ACSL3: variants seen among roughly 807,000 people sequenced by gnomAD.
The protein encoded by ACSL3 is acyl-CoA synthetase long chain family member 3, also known as fatty acid CoA ligase Acsl3.
A neutral mutation model predicts 84.7 loss-of-function variants in ACSL3; 34 were observed. The ratio of observed to expected loss-of-function variants is 0.40; its 90% CI spans 0.31 to 0.53. The LOEUF is 0.53. ACSL3 is among the 20% of genes least tolerant of loss of function. The pLI, the probability that ACSL3 is intolerant of heterozygous loss-of-function variation, is 0.48. For missense variants in ACSL3, 680 were observed against 873.1 expected, an observed-to-expected ratio of 0.78 and a Z score of 2.79; for synonymous variants, 315 against 299.4, an observed-to-expected ratio of 1.05 and a Z score of -0.54.
intron 14 of ACSL3, 163 bp from the exon 15 acceptor site, chr2:222,933,003 A>G: frequency 4.0e-6 from 2 of 494,068 alleles, no homozygotes. Flanking sequence ...TAATTTTAAT[A>G]TGTGCTTTTA....
chr2:222,927,135 G>A lies in ACSL3; in HGVS notation c.1411G>A (p.Val471Ile). Residue 471 changes from valine to isoleucine, a missense_variant, in exon 12 of 17, where the codon GTT (valine) becomes ATT (isoleucine). Physicochemically the swap from Val to Ile is conservative, Grantham distance 29. Coordinates refer to ENST00000357430, the MANE Select transcript of ACSL3 (RefSeq NM_004457.5). Reference sequence around the variant, plus strand: ...CATGAACATCTGTTTCTGCTGTCCTGTTGGTCAGGGATACGGGCTCACTGA... The same window carrying A: ...CATGAACATCTGTTTCTGCTGTCCTATTGGTCAGGGATACGGGCTCACTGA... ...RFMNICFCCPVGQGYGLTESA... is the reference protein window; with the variant it reads ...RFMNICFCCPIGQGYGLTESA... 6.2e-7 allele frequency: 1 copy of A among 1,614,136 alleles called. No individual in the cohort carries two copies. Among genetic ancestry groups the A allele is most frequent in the African/African-American group, 1.3e-5 (1 of 75,048 alleles).
At chr2:222,904,237 C>G (rs1041564487) in intron 3 of ACSL3, among the ~76,000 whole-genome samples, 4 of 151,986 alleles carry the variant, frequency 2.6e-5, no homozygotes, top group African/African-American at 9.7e-5. Context: ...CACCATTGCA[C>G]TCCAGCCTGG....
chr2:222,898,143 T>A (rs1305989750), intron 2 of ACSL3, among the ~76,000 whole-genome samples: 1 of 152,226 alleles, frequency 6.6e-6, no homozygotes, highest in Non-Finnish European at 1.5e-5. Flanking sequence ...GCTTCCCTGT[T>A]CATACTCTGT....
At chr2:222,895,325 C>T (rs550111560) in intron 2 of ACSL3, among the ~76,000 whole-genome samples, 1 of 152,322 alleles carries the variant, frequency 6.6e-6, no homozygotes, top group East Asian at 1.9e-4. Flanking sequence ...TTCTCCCACC[C>T]TCTCTCCTCC....
At chr2:222,893,396 TAGAC>T (rs1695888619) in intron 2 of ACSL3, among the ~76,000 whole-genome samples, 1 of 152,170 alleles carries the variant, frequency 6.6e-6, no homozygotes, top group South Asian at 2.1e-4. Context: ...CTTCCCTCCT[TAGAC>T]AGTGTACATG....
chr2:222,898,967 G>A (rs1176773636), intron 2 of ACSL3, among the ~76,000 whole-genome samples: 2 of 152,182 alleles, frequency 1.3e-5, no homozygotes, highest in Non-Finnish European at 2.9e-5. Context: ...ACATTCAAGT[G>A]TGAATGAGAA....
In ACSL3 at chr2:222,908,814, A is replaced by G; in HGVS notation, c.42A>G (p.Leu14=). 1 of 1,605,930 alleles carries G rather than the reference A, an allele frequency of 6.2e-7. No homozygotes were observed. Among genetic ancestry groups the G allele is most frequent in the Non-Finnish European group, 8.5e-7 (1 of 1,177,058 alleles). The part of the protein sequence containing the change: ...HVSSKPSTMK[L]KHTINPILLY... ...CTTCAAAACCATCTACCATGAAGCT[A>G]AAACATACCATCAACCCTATTCTTT... Residue 14 remains leucine, a synonymous_variant, in exon 4 of 17, where the codon CTA becomes CTG. Transcript: ENST00000357430.
At chr2:222,864,601 G>A (rs1037506156) in intron 1 of ACSL3, among the ~76,000 whole-genome samples, 1 of 152,194 alleles carries the variant, frequency 6.6e-6, no homozygotes, top group Non-Finnish European at 1.5e-5. Flanking sequence ...CTTTGAAAGA[G>A]ATGCTGATCT....
At position 222,887,230 on chromosome 2, in the gene ACSL3, C is replaced by T. The variant is rs535216212; in HGVS notation, c.-206-600C>T. 2.3e-4 allele frequency among the ~76,000 whole-genome samples: 35 copies of T among 152,266 alleles called. No homozygotes were observed. The South Asian group carries it at 6.4e-3, about 28-fold the overall frequency. ...CACTTTGTAATATGCATTTAAGTTT[C>T]CTTCATGTCTTGTCATGGCTTGATG... On this transcript the variant is annotated intron_variant, in intron 1 of 16. Transcript: ENST00000357430.
rs574383049 is a variant in ACSL3, at chr2:222,865,777, C to T, written c.-207+4519C>T. Among the ~76,000 whole-genome samples the T allele has an allele frequency of 2.8e-5, 4 of 141,864 alleles. No homozygotes were observed. The East Asian group carries it at 8.5e-4, about 30-fold the overall frequency. 93.1% of individuals were successfully genotyped at this position (141,864 alleles called of 152,430 possible). A position where few individuals can be genotyped will look rare whatever the true frequency, so the allele number is the denominator to read the frequency against. ...GGGAGCCAGGAAATAGAATGTTTTA[C>T]CTTGATTTTGGATCCTCTGTGTGTG... is the stretch of plus-strand genomic sequence containing the variant. On this transcript the variant is annotated intron_variant, in intron 1 of 16. Transcript: ENST00000357430.
rs1372065624 is a variant in ACSL3 at position 222,933,191 on chromosome 2, A to C, written c.1758A>C (p.Leu586=). The C allele has an allele frequency of 6.2e-7, 1 of 1,613,602 alleles. No homozygotes were observed. The highest frequency in any genetic ancestry group is 1.3e-5 in the African/African-American group (1 of 75,034). The change falls in exon 15 of 17, where the codon CTA becomes CTC. Residue 586 remains leucine (L), a synonymous_variant. Coordinates refer to ENST00000357430, the MANE Select transcript of ACSL3 (RefSeq NM_004457.5). ...IIDRKKDLVK[L]QAGEYVSLGK... ...ATCGTAAAAAGGACCTTGTAAAACT[A>C]CAGGCAGGGGAATATGTTTCTCTTG...
rs770694614 is a variant in ACSL3, at chr2:222,941,672, C to G, written c.*18C>G. ...GAAAATAATTATTCTCTTCTGGCATCAGTTTGCTACAGTGAGCTCAGATCA... is the reference window on the plus strand; with the variant it reads ...GAAAATAATTATTCTCTTCTGGCATGAGTTTGCTACAGTGAGCTCAGATCA... On this transcript the variant is annotated 3_prime_UTR_variant, in exon 17 of 17. Transcript: ENST00000357430. 3 of 1,605,138 alleles carry G rather than the reference C, an allele frequency of 1.9e-6. No homozygotes were observed. The highest frequency in any genetic ancestry group is 2.5e-6 in the Non-Finnish European group (3 of 1,176,612).
chr2:222,934,746 A>G lies in ACSL3; in HGVS notation c.2005+59A>G, dbSNP rs34095647. ...AGATGGGAAGAGAGTACTTACATGC[A>G]TTCAACCTGTTTTAAGGTTTAGGGT... On this transcript the variant is annotated intron_variant, in intron 16 of 16. Transcript: ENST00000357430. The G allele has an allele frequency of 8.4e-6, 13 of 1,549,330 alleles. No homozygotes were observed. In the Middle Eastern group the frequency reaches 6.7e-4, roughly 80 times the overall value.
At chr2:222,903,960 T>C (rs1457686972) in intron 3 of ACSL3, among the ~76,000 whole-genome samples, 1 of 151,966 alleles carries the variant, frequency 6.6e-6, no homozygotes, top group South Asian at 2.1e-4. Flanking sequence ...AAAAGCCCTT[T>C]AATAAACTTT....
chr2:222,890,276 G>A (rs1458581793), intron 2 of ACSL3, among the ~76,000 whole-genome samples: 2 of 152,126 alleles, frequency 1.3e-5, no homozygotes, highest in African/African-American at 4.8e-5. Context: ...TGGAGGAAGA[G>A]AAAAGGAAAC....
rs1352076208 is a variant in ACSL3, at chr2:222,932,669, C to A, written c.1733-497C>A. On this transcript the variant is annotated intron_variant, in intron 14 of 16. Transcript: ENST00000357430. ...AGCATGGGCCGGGCGCGGTGGCTCA[C>A]GCCTGTAATCCCAGCACTTTGGGAG... 4.2e-4 allele frequency among the ~76,000 whole-genome samples: 2 copies of A among 4,810 alleles called. 1 individual carries two copies. Among genetic ancestry groups the A allele is most frequent in the African/African-American group, 5.4e-3 (2 of 370 alleles). 3.2% of individuals were successfully genotyped at this position (4,810 alleles called of 152,430 possible).
chr2:222,924,342 A>C, intron 10 of ACSL3, 114 bp from the exon 11 acceptor site: 1 of 929,954 alleles, frequency 1.1e-6, no homozygotes, highest in Non-Finnish European at 1.5e-6. Context: ...CCACAGTTGA[A>C]GAGTACTTCT....
At chr2:222,935,803 A>G (rs950435642) in intron 16 of ACSL3, among the ~76,000 whole-genome samples, 3 of 152,206 alleles carry the variant, frequency 2.0e-5, no homozygotes, top group African/African-American at 7.2e-5. Context: ...TCAATTTACT[A>G]TCTTAACATT....
chr2:222,894,723 C>G (rs570116673), intron 2 of ACSL3, among the ~76,000 whole-genome samples: 1 of 152,002 alleles, frequency 6.6e-6, no homozygotes, highest in South Asian at 2.1e-4. Flanking sequence ...GGCATGAAGC[C>G]AGGCATGCCC....
Sources: gnomAD v4.1 joint callset for allele counts (sites outside exome capture counted in the v4.1 genomes callset) on GRCh38, gnomAD v4.1.1 for gene constraint, MANE v1.5 for transcripts, NCBI Gene and HGNC (gene_info 2026-07-23, HGNC 2026-07-21) for gene names.